MLLT10: variants seen among roughly 807,000 people sequenced by gnomAD.
The protein encoded by MLLT10 is protein AF-10.
Under a neutral mutation model 129.1 loss-of-function variants are expected in MLLT10, and 30 were observed. The ratio of observed to expected loss-of-function variants is 0.23; its 90% CI spans 0.17 to 0.32. The LOEUF (loss-of-function observed/expected upper bound fraction) is 0.32. MLLT10 is among the 10% of genes least tolerant of loss of function. MLLT10 has a pLI of 1.00. For synonymous variants in MLLT10, 490 were observed against 446.4 expected (o/e 1.10, Z -1.23); for missense variants, 1,119 against 1,268.3 (o/e 0.88, Z 1.79).
chr10:21,669,324 T>TC (rs1204963183), intron 9 of MLLT10, among the ~76,000 whole-genome samples: 1 of 152,200 alleles, frequency 6.6e-6, no homozygotes, highest in Non-Finnish European at 1.5e-5. Flanking sequence ...CTCTTATTCC[T>TC]CTTTTTGAAA....
rs149405800 is a variant in MLLT10 at position 21,625,240 on chromosome 10, G to C, written c.699+8033G>C. On this transcript the variant is annotated intron_variant, in intron 8 of 22. Transcript: ENST00000307729. ...CTTTCCTTTTCTTGTCTGGTGCCTT[G>C]GCTAAGACTATTTCAAGTTCTTCCC... The C allele has an allele frequency of 2.7e-5, 37 of 1,378,556 alleles. No individual in the cohort carries two copies. In the East Asian group the frequency reaches 7.6e-4, roughly 28 times the overall value. The allele number at this position is 1,378,556 out of a possible 1,614,324, so 85.4% of individuals were successfully genotyped here.
Position 21,713,898 on chromosome 10 carries a change from C to T in MLLT10, c.1826C>T (p.Ala609Val), listed in dbSNP as rs771194955. The T allele has an allele frequency of 1.8e-5, 29 of 1,613,720 alleles. No individual in the cohort carries two copies. The Admixed American group carries it at 3.5e-4, about 19-fold the overall frequency. ...TCTGGGCATTTGCAACAAGTAGGAG[C>T]GCTCTCTCCCTCAGCTGTGTCATCT... Reference protein sequence around the residue: ...QSSGHLQQVGALSPSAVSSAA... With the variant: ...QSSGHLQQVGVLSPSAVSSAA... Residue 609 changes from alanine (A) to valine (V), a missense_variant, in exon 14 of 23, where the codon GCG becomes GTG. Ala to Val is a moderately conservative substitution (Grantham distance 64). Transcript: ENST00000307729.
intron 15 of MLLT10, 66 bp from the exon 16 acceptor site, chr10:21,727,790 G>C: frequency 8.0e-7 from 1 of 1,256,054 alleles, no homozygotes; most frequent in Non-Finnish European, 1.2e-6. Flanking sequence ...AAAAATCAGG[G>C]CAAGAGTTTA....
intron 3 of MLLT10, among the ~76,000 whole-genome samples, chr10:21,559,781 G>A (rs1345653728): frequency 1.3e-5 from 2 of 152,168 alleles, no homozygotes; most frequent in Non-Finnish European, 1.5e-5. Context: ...ACCAGAATTT[G>A]AATCTTGTTT....
At chr10:21,641,881 T>C (rs1320554651) in intron 8 of MLLT10, among the ~76,000 whole-genome samples, 1 of 152,224 alleles carries the variant, frequency 6.6e-6, no homozygotes, top group Non-Finnish European at 1.5e-5. Context: ...GATTGGTTAA[T>C]TTAACAGTAG....
intron 13 of MLLT10, among the ~76,000 whole-genome samples, chr10:21,709,724 T>C (rs1161685252): frequency 6.6e-6 from 1 of 152,170 alleles, no homozygotes; most frequent in Non-Finnish European, 1.5e-5. Context: ...TTAGCCAAAC[T>C]TGTTTCTTTT....
intron 5 of MLLT10, among the ~76,000 whole-genome samples, chr10:21,608,959 T>C (rs1443524848): frequency 6.6e-6 from 1 of 152,224 alleles, no homozygotes; most frequent in African/African-American, 2.4e-5. Flanking sequence ...TTAGGTAATA[T>C]AGCCCCTCTG....
chr10:21,534,956 C>G (rs932620208), intron 2 of MLLT10, 152 bp downstream of exon 2: 1 of 293,800 alleles, frequency 3.4e-6, no homozygotes, highest in South Asian at 1.3e-4. Context: ...GGGTGTGGGC[C>G]GCGCATGTGG....
chr10:21,712,167 C>G (rs913423733), intron 13 of MLLT10, among the ~76,000 whole-genome samples: 1 of 150,442 alleles, frequency 6.6e-6, no homozygotes, highest in Non-Finnish European at 1.5e-5. Context: ...GAATAAGATT[C>G]TAGGTGCTTT....
intron 8 of MLLT10, among the ~76,000 whole-genome samples, chr10:21,635,732 G>GTT (rs754898658): frequency 7.0e-6 from 1 of 143,438 alleles, no homozygotes. Flanking sequence ...TTTTGTTGTT[G>GTT]TTTTTTTTTT....
intron 13 of MLLT10, among the ~76,000 whole-genome samples, chr10:21,710,005 G>C (rs1169556099): frequency 6.6e-6 from 1 of 152,218 alleles, no homozygotes; most frequent in African/African-American, 2.4e-5. Context: ...GCCTCCCAAA[G>C]TGCTGGGATT....
At chr10:21,625,113 C>A in intron 8 of MLLT10, 1 of 946,068 alleles carries the variant, frequency 1.1e-6, no homozygotes, top group Non-Finnish European at 1.7e-6. Flanking sequence ...GCCATATCCA[C>A]CTCTCCCCCA....
chr10:21,609,848 A>G (rs1324948161), intron 5 of MLLT10, among the ~76,000 whole-genome samples: 7 of 151,836 alleles, frequency 4.6e-5, no homozygotes, highest in Non-Finnish European at 8.8e-5. Context: ...ATAATTGTGT[A>G]TGTTTGCAGA....
chr10:21,634,026 G>A (rs1200033255), intron 8 of MLLT10, among the ~76,000 whole-genome samples: 5 of 152,062 alleles, frequency 3.3e-5, no homozygotes, highest in Admixed American at 3.3e-4. Context: ...GATCACTTGA[G>A]GTCAGGAGTT....
At chr10:21,624,831 C>T in intron 8 of MLLT10, 1 of 1,079,838 alleles carries the variant, frequency 9.3e-7, no homozygotes, top group Non-Finnish European at 1.4e-6. Context: ...ACGGCCACGG[C>T]CTCTCTGCTG....
intron 13 of MLLT10, among the ~76,000 whole-genome samples, chr10:21,699,758 C>T (rs997393305): frequency 2.0e-5 from 3 of 151,144 alleles, no homozygotes; most frequent in African/African-American, 7.3e-5. Context: ...ATACCAATAC[C>T]ATGCTTTTTT....
intron 16 of MLLT10, 71 bp downstream of exon 16, chr10:21,727,999 A>G (rs2057658845): frequency 8.0e-7 from 1 of 1,247,394 alleles, no homozygotes; most frequent in Non-Finnish European, 1.2e-6. Context: ...CTTATCTCAT[A>G]TCAGTAGAGT....
At chr10:21,631,313 CAAAAAAAAAAA>C (rs991306894) in intron 8 of MLLT10, among the ~76,000 whole-genome samples, 2 of 47,776 alleles carry the variant, frequency 4.2e-5, no homozygotes, top group African/African-American at 6.8e-5. Context: ...GACTCCGTCT[CAAAAAAAAAAA>C]AAAAAAAAAA....
chr10:21,544,446 A>G (rs1564376980), intron 3 of MLLT10, among the ~76,000 whole-genome samples: 1 of 152,150 alleles, frequency 6.6e-6, no homozygotes, highest in African/African-American at 2.4e-5. Flanking sequence ...TGGACTGGGG[A>G]TAGCTAACTT....
Sources: allele counts gnomAD v4.1 joint callset (sites outside exome capture counted in the v4.1 genomes callset), GRCh38; gene constraint gnomAD v4.1.1; transcripts MANE v1.5; gene names NCBI Gene and HGNC (gene_info 2026-07-23, HGNC 2026-07-21).